Variants in MECOM observed in about 807,000 individuals in gnomAD.
MECOM encodes histone-lysine N-methyltransferase MECOM.
In MECOM, 13 loss-of-function variants were observed where a neutral mutation model predicts 116.3. The observed-to-expected ratio is 0.11, with a 90% confidence interval of 0.07 to 0.18. The LOEUF (loss-of-function observed/expected upper bound fraction) is 0.18, where lower values mean the gene tolerates loss of function less well. MECOM is among the 10% of genes least tolerant of loss of function. The pLI is 1.00. For missense variants in MECOM, 1,299 were observed against 1,509.0 expected (o/e 0.86, Z 2.31); for synonymous variants, 528 against 535.2 (o/e 0.99, Z 0.19).
chr3:169,475,741 T>TA (rs1158743059), intron 1 of MECOM, among the ~76,000 whole-genome samples: 4 of 149,556 alleles, frequency 2.7e-5, no homozygotes, highest in Non-Finnish European at 4.5e-5. Flanking sequence ...GCTTGCCAAT[T>TA]AAAAAAAAAG....
chr3:169,286,176 T>C (rs1713273584), intron 2 of MECOM, among the ~76,000 whole-genome samples: 1 of 152,170 alleles, frequency 6.6e-6, no homozygotes, highest in Non-Finnish European at 1.5e-5. Context: ...CATAAAATGA[T>C]CAGTAGCTCT....
At chr3:169,217,121 A>G (rs553494085) in intron 2 of MECOM, among the ~76,000 whole-genome samples, 1 of 152,344 alleles carries the variant, frequency 6.6e-6, no homozygotes, top group African/African-American at 2.4e-5. Flanking sequence ...CCATATATTT[A>G]GAAGATGAAC....
At chr3:169,225,180 T>C (rs1449739617) in intron 2 of MECOM, among the ~76,000 whole-genome samples, 1 of 152,220 alleles carries the variant, frequency 6.6e-6, no homozygotes, top group East Asian at 1.9e-4. Flanking sequence ...TAAGATCTAC[T>C]TAACTATGTA....
At chr3:169,493,001 C>T (rs574953318) in intron 1 of MECOM, among the ~76,000 whole-genome samples, 125 of 152,254 alleles carry the variant, frequency 8.2e-4, no homozygotes, top group African/African-American at 2.2e-3. Context: ...GAAACATAAT[C>T]GTACCTACCT....
At position 169,378,455 on chromosome 3, in the gene MECOM, A is replaced by G. The variant is rs552698993; in HGVS notation, c.375+2732T>C. Among the ~76,000 whole-genome samples, 495 of 51,106 alleles carry G rather than the reference A, an allele frequency of 9.7e-3. 15 individuals are homozygous for G. The highest frequency in any genetic ancestry group is 0.041 in the African/African-American group (252 of 6,132). 33.5% of individuals were successfully genotyped at this position (51,106 alleles called of 152,430 possible). Reference sequence around the variant, plus strand: ...AAAGAAAGAAAGAAAGAAAGAAGGAAAGCAAGCAAGCAAGCAAGCAAGAAA... The same window carrying G: ...AAAGAAAGAAAGAAAGAAAGAAGGAGAGCAAGCAAGCAAGCAAGCAAGAAA... On this transcript the variant is annotated intron_variant, in intron 2 of 16. Coordinates refer to ENST00000651503, the MANE Select transcript of MECOM (RefSeq NM_004991.4).
In MECOM at chr3:169,372,532, C is replaced by T. The variant is rs541971549; in HGVS notation, c.375+8655G>A. 6.8e-4 allele frequency among the ~76,000 whole-genome samples: 103 copies of T among 152,008 alleles called. 1 individual carries two copies. The highest frequency in any genetic ancestry group is 2.4e-3 in the African/African-American group (99 of 41,492). On this transcript the variant is annotated intron_variant, in intron 2 of 16. Coordinates refer to ENST00000651503, the MANE Select transcript of MECOM (RefSeq NM_004991.4). ...GTCAGTGCTTCCATTTCAAACCAAC[C>T]CAGAGTCAAATAATTAGACCATCCA...
At chr3:169,578,839 G>A (rs888723366) in intron 1 of MECOM, among the ~76,000 whole-genome samples, 1 of 152,134 alleles carries the variant, frequency 6.6e-6, no homozygotes, top group Non-Finnish European at 1.5e-5. Context: ...CACCTGTCTA[G>A]TTGCTCTTTC....
At chr3:169,258,366 A>G (rs575907797) in intron 2 of MECOM, among the ~76,000 whole-genome samples, 9 of 152,310 alleles carry the variant, frequency 5.9e-5, no homozygotes, top group Admixed American at 4.6e-4. Context: ...ACTTGCAATA[A>G]CCTTCATTTT....
chr3:169,572,884 AG>A (rs1452742180), intron 1 of MECOM, among the ~76,000 whole-genome samples: 2 of 152,112 alleles, frequency 1.3e-5, no homozygotes, highest in Non-Finnish European at 2.9e-5. Flanking sequence ...TGTAGATGAC[AG>A]GTTGATGGGT....
At chr3:169,260,138 C>T (rs763136651) in intron 2 of MECOM, among the ~76,000 whole-genome samples, 14 of 152,084 alleles carry the variant, frequency 9.2e-5, no homozygotes, top group Non-Finnish European at 2.9e-5. Context: ...TTAATAGGTT[C>T]GTGTCCCTTT....
intron 2 of MECOM, among the ~76,000 whole-genome samples, chr3:169,365,114 T>C (rs1438289533): frequency 6.6e-6 from 1 of 152,016 alleles, no homozygotes; most frequent in Admixed American, 6.6e-5. Context: ...TAAAGTAAGC[T>C]CTAGGCAAGT....
intron 1 of MECOM, among the ~76,000 whole-genome samples, chr3:169,568,241 C>T (rs577396911): frequency 1.3e-5 from 2 of 152,300 alleles, no homozygotes; most frequent in East Asian, 3.9e-4. Context: ...AGGAGATTCC[C>T]TCAGGTGCCT....
chr3:169,511,027 G>A (rs891025678), intron 1 of MECOM, among the ~76,000 whole-genome samples: 23 of 152,182 alleles, frequency 1.5e-4, no homozygotes, highest in African/African-American at 5.5e-4. Context: ...TTTTAAAGAT[G>A]ACAAGCAAGT....
intron 1 of MECOM, among the ~76,000 whole-genome samples, chr3:169,462,498 T>C (rs923629732): frequency 1.3e-5 from 2 of 152,206 alleles, no homozygotes; most frequent in African/African-American, 2.4e-5. Context: ...CTTTAGTGTA[T>C]ACTACATTCC....
intron 1 of MECOM, among the ~76,000 whole-genome samples, chr3:169,635,311 TATC>T (rs1279745594): frequency 6.6e-6 from 1 of 152,244 alleles, no homozygotes; most frequent in African/African-American, 2.4e-5. Flanking sequence ...GCTTTATTAT[TATC>T]ATCATCATTA....
chr3:169,594,898 A>AC (rs1766957711), intron 1 of MECOM, among the ~76,000 whole-genome samples: 2 of 151,680 alleles, frequency 1.3e-5, no homozygotes, highest in South Asian at 2.1e-4. Context: ...AAAACAAAAA[A>AC]AAAACTGGAT....
intron 1 of MECOM, among the ~76,000 whole-genome samples, chr3:169,568,035 G>T (rs935882714): frequency 5.9e-5 from 9 of 152,218 alleles, no homozygotes; most frequent in East Asian, 3.9e-4. Context: ...CATCTCATTG[G>T]GACTCGTTGG....
At chr3:169,375,695 C>T (rs1357390068) in intron 2 of MECOM, among the ~76,000 whole-genome samples, 3 of 152,102 alleles carry the variant, frequency 2.0e-5, no homozygotes, top group East Asian at 3.9e-4. Context: ...TAATAGTCTA[C>T]CAACCAAAAA....
intron 1 of MECOM, among the ~76,000 whole-genome samples, chr3:169,451,252 G>GA (rs200448306): frequency 0.42 from 59,903 of 143,314 alleles, 12,767 homozygotes; most frequent in East Asian, 0.78. Flanking sequence ...TTAAGATGGT[G>GA]AAAAAAAAAA....
Sources: allele counts gnomAD v4.1 joint callset (sites outside exome capture counted in the v4.1 genomes callset), GRCh38; gene constraint gnomAD v4.1.1; transcripts MANE v1.5; gene names NCBI Gene and HGNC (gene_info 2026-07-23, HGNC 2026-07-21).